Variants in COX16 observed in about 807,000 individuals in gnomAD.
COX16 encodes the protein cytochrome c oxidase assembly protein COX16 homolog, mitochondrial.
In COX16, 12 loss-of-function variants were observed where a neutral mutation model predicts 15.4. That is an observed-to-expected ratio of 0.78 (90% CI 0.50 to 1.26). The LOEUF is 1.26. COX16 is among the 50% of genes most tolerant of loss of function. The probability of loss-of-function intolerance (pLI) is 0.00; values close to 1 mark genes in which losing one functional copy is unlikely to be tolerated. For missense variants in COX16, 124 were observed against 127.6 expected, an observed-to-expected ratio of 0.97 and a Z score of 0.14; for synonymous variants, 46 against 41.1, an observed-to-expected ratio of 1.12 and a Z score of -0.46.
chr14:70,356,789 C>T (rs1039361876), intron 1 of COX16, among the ~76,000 whole-genome samples: 52 of 152,056 alleles, frequency 3.4e-4, no homozygotes, highest in African/African-American at 1.3e-3. Context: ...AAAAAATTGT[C>T]AAATAAACTT....
chr14:70,342,579 G>A, intron 2 of COX16, 79 bp downstream of exon 2: 1 of 1,403,070 alleles, frequency 7.1e-7, no homozygotes. Flanking sequence ...AGACTACTTA[G>A]TATACTGAGT....
At chr14:70,339,226 T>A (rs1380033250) in intron 2 of COX16, among the ~76,000 whole-genome samples, 1 of 152,202 alleles carries the variant, frequency 6.6e-6, no homozygotes, top group African/African-American at 2.4e-5. Context: ...TTATTGTGGA[T>A]CCTTGGTGGT....
intron 1 of COX16, among the ~76,000 whole-genome samples, chr14:70,345,037 C>A (rs1240693128): frequency 6.6e-6 from 1 of 152,198 alleles, no homozygotes; most frequent in Non-Finnish European, 1.5e-5. Context: ...AAGAACCGTA[C>A]ATCTGGTGCT....
At chr14:70,335,109 G>A (rs1886410038) in intron 2 of COX16, among the ~76,000 whole-genome samples, 1 of 151,894 alleles carries the variant, frequency 6.6e-6, no homozygotes, top group Non-Finnish European at 1.5e-5. Flanking sequence ...GACAACGAAG[G>A]AAATTATATA....
chr14:70,356,027 A>ATGGTT (rs1454800011), intron 1 of COX16, among the ~76,000 whole-genome samples: 1 of 152,124 alleles, frequency 6.6e-6, no homozygotes, highest in East Asian at 1.9e-4. Flanking sequence ...GGCCCGCACC[A>ATGGTT]GAAGCAGATG....
At chr14:70,347,957 C>T (rs1886831707) in intron 1 of COX16, among the ~76,000 whole-genome samples, 1 of 152,112 alleles carries the variant, frequency 6.6e-6, no homozygotes, top group South Asian at 2.1e-4. Context: ...AGCCTATTAC[C>T]CAACCTTTCC....
At chr14:70,330,377 T>C (rs1237254458) in intron 2 of COX16, among the ~76,000 whole-genome samples, 1 of 152,192 alleles carries the variant, frequency 6.6e-6, no homozygotes, top group East Asian at 1.9e-4. Flanking sequence ...ATTAAATCTA[T>C]AATGAATAAC....
At position 70,326,228 on chromosome 14, in the gene COX16, A is replaced by C; in HGVS notation, c.*105T>G. The C allele has an allele frequency of 1.1e-6, 1 of 940,856 alleles. No homozygotes were observed. Among genetic ancestry groups the C allele is most frequent in the Non-Finnish European group, 1.4e-6 (1 of 708,360 alleles). The allele number at this position is 940,856 out of a possible 1,614,324, so 58.3% of individuals were successfully genotyped here. On this transcript the variant is annotated 3_prime_UTR_variant, in exon 4 of 4. Coordinates refer to ENST00000389912, the MANE Select transcript of COX16 (RefSeq NM_016468.7). ...TCAAATTACCCATATCCAAGTTTCC[A>C]TGGGCCTGGAATTTCCTTTCCACTT...
chr14:70,343,523 T>C (rs575653678), intron 1 of COX16, among the ~76,000 whole-genome samples: 3 of 152,240 alleles, frequency 2.0e-5, no homozygotes, highest in African/African-American at 4.8e-5. Context: ...AATAAGGCAA[T>C]TGGAGTTCTC....
chr14:70,351,288 A>G (rs1886946148), intron 1 of COX16, among the ~76,000 whole-genome samples: 1 of 152,242 alleles, frequency 6.6e-6, no homozygotes, highest in Non-Finnish European at 1.5e-5. Flanking sequence ...AAACGGAGAC[A>G]TAATATGCAT....
chr14:70,327,957 T>C (rs1448878178), intron 3 of COX16, among the ~76,000 whole-genome samples: 1 of 152,066 alleles, frequency 6.6e-6, no homozygotes, highest in African/African-American at 2.4e-5. Context: ...AATATGGAGT[T>C]TCCAGGCCTG....
At chr14:70,346,186 G>A (rs932621363) in intron 1 of COX16, among the ~76,000 whole-genome samples, 2 of 152,060 alleles carry the variant, frequency 1.3e-5, no homozygotes, top group Non-Finnish European at 2.9e-5. Flanking sequence ...CCCGATATTC[G>A]GTGCAAGCTT....
rs1350456084 is a variant in COX16, at chr14:70,329,185, A to T, written c.193T>A (p.Ser65Thr). 4 of 1,607,846 alleles carry T rather than the reference A, an allele frequency of 2.5e-6. No individual in the cohort carries two copies. Among genetic ancestry groups the T allele is most frequent in the Middle Eastern group, 1.7e-4 (1 of 6,052 alleles). Residue 65 changes from serine (S) to threonine (T), a missense_variant, in exon 3 of 4, where the codon TCG (serine) becomes ACG (threonine). By Grantham distance (58) the Ser-to-Thr change is moderately conservative. Transcript: ENST00000389912. ...KLKENKISLESEYEKIKDSKF... is the reference protein window; with the variant it reads ...KLKENKISLETEYEKIKDSKF... The stretch of plus-strand genomic sequence containing the variant: ...TTAACATACCGTACCTCATATTCCG[A>T]CTCTAAAGATATTTTATTCTCTTTC...
intron 3 of COX16, among the ~76,000 whole-genome samples, chr14:70,327,727 A>G (rs1033506496): frequency 1.3e-5 from 2 of 152,202 alleles, no homozygotes; most frequent in South Asian, 2.1e-4. Flanking sequence ...AACTGAAGAA[A>G]ATTCTTAAAT....
At position 70,350,886 on chromosome 14, in the gene COX16, C is replaced by T. The variant is rs140853349; in HGVS notation, c.70-8157G>A. Among the ~76,000 whole-genome samples the T allele has an allele frequency of 2.3e-3, 351 of 152,220 alleles. 1 individual carries two copies. The highest frequency in any genetic ancestry group is 7.9e-3 in the African/African-American group (327 of 41,522). ...TTTATGTTGTGGAACTTTGTTAATA[C>T]CAAATGCTGTATCTCAAAGCAGCTA... On this transcript the variant is annotated intron_variant, in intron 1 of 3. Coordinates refer to ENST00000389912, the MANE Select transcript of COX16 (RefSeq NM_016468.7).
intron 2 of COX16, among the ~76,000 whole-genome samples, chr14:70,332,846 T>C (rs1886333294): frequency 6.6e-6 from 1 of 152,238 alleles, no homozygotes; most frequent in Admixed American, 6.5e-5. Context: ...TTGGGAGGCA[T>C]GCTTGTCTGG....
intron 2 of COX16, among the ~76,000 whole-genome samples, chr14:70,335,150 A>G (rs990895757): frequency 2.6e-5 from 4 of 152,240 alleles, no homozygotes; most frequent in South Asian, 2.1e-4. Flanking sequence ...GCAAGAGAAT[A>G]TAACAACAGT....
At chr14:70,348,826 G>A (rs1287796992) in intron 1 of COX16, among the ~76,000 whole-genome samples, 1 of 152,100 alleles carries the variant, frequency 6.6e-6, no homozygotes, top group Non-Finnish European at 1.5e-5. Context: ...CCAGACTCCC[G>A]CAGAAAGCTG....
chr14:70,347,575 C>T (rs1218912950), intron 1 of COX16, among the ~76,000 whole-genome samples: 9 of 152,094 alleles, frequency 5.9e-5, no homozygotes, highest in African/African-American at 1.2e-4. Flanking sequence ...TCCCTAAAAC[C>T]GTCCACTCTC....
Sources: gnomAD v4.1 joint callset for allele counts (sites outside exome capture counted in the v4.1 genomes callset) on GRCh38, gnomAD v4.1.1 for gene constraint, MANE v1.5 for transcripts, NCBI Gene and HGNC (gene_info 2026-07-23, HGNC 2026-07-21) for gene names.